The following PRKG2 variants were observed in gnomAD, a reference collection of about 807,000 sequenced individuals.
PRKG2 encodes the protein protein kinase cGMP-dependent 2.
A neutral mutation model predicts 97.2 loss-of-function variants in PRKG2; 33 were observed. That is an observed-to-expected ratio of 0.34 (90% CI 0.26 to 0.45). The LOEUF (loss-of-function observed/expected upper bound fraction) is 0.45, where lower values mean the gene tolerates loss of function less well. PRKG2 is among the 20% of genes least tolerant of loss of function. PRKG2 has a pLI of 1.00. For synonymous variants in PRKG2, 330 were observed against 321.8 expected, an observed-to-expected ratio of 1.03 and a Z score of -0.27; for missense variants, 638 against 900.0, an observed-to-expected ratio of 0.71 and a Z score of 3.73.
At chr4:81,123,897 A>G (rs1254231017) in intron 14 of PRKG2, among the ~76,000 whole-genome samples, 5 of 151,896 alleles carry the variant, frequency 3.3e-5, no homozygotes, top group African/African-American at 1.2e-4. Context: ...TTCTATTTTA[A>G]TTCCCATTAT....
chr4:81,162,176 C>G (rs1233799434), intron 6 of PRKG2, among the ~76,000 whole-genome samples: 2 of 152,074 alleles, frequency 1.3e-5, no homozygotes, highest in Admixed American at 6.6e-5. Context: ...CTAGTTAAGA[C>G]GGTGTATCTA....
chr4:81,098,197 C>T (rs986524621), intron 17 of PRKG2, among the ~76,000 whole-genome samples: 4 of 152,146 alleles, frequency 2.6e-5, no homozygotes, highest in Non-Finnish European at 5.9e-5. Context: ...CAGTCTACAT[C>T]TTTCTCCTGT....
intron 14 of PRKG2, among the ~76,000 whole-genome samples, chr4:81,129,136 T>C (rs1279290431): frequency 1.3e-5 from 2 of 152,230 alleles, no homozygotes; most frequent in Non-Finnish European, 2.9e-5. Context: ...TGAGTGAGTT[T>C]CTTAATCCTG....
intron 17 of PRKG2, among the ~76,000 whole-genome samples, chr4:81,093,360 A>ACACACACACACAC (rs1741781646): frequency 8.6e-6 from 1 of 116,282 alleles, no homozygotes; most frequent in African/African-American, 3.1e-5. Flanking sequence ...CTCCCCCACC[A>ACACACACACACAC]ACACACACAC....
intron 7 of PRKG2, among the ~76,000 whole-genome samples, chr4:81,152,493 C>A (rs1748512432): frequency 6.6e-6 from 1 of 152,138 alleles, no homozygotes. Flanking sequence ...CTGGCCGAAT[C>A]CTGTGCACCT....
chr4:81,174,708 C>G, intron 3 of PRKG2, 85 bp downstream of exon 3: 2 of 1,330,574 alleles, frequency 1.5e-6, no homozygotes, highest in South Asian at 3.1e-5. Context: ...ATAGAGCAAC[C>G]AGTTTTATGT....
intron 14 of PRKG2, among the ~76,000 whole-genome samples, chr4:81,115,018 C>T (rs1367906562): frequency 6.6e-6 from 1 of 152,106 alleles, no homozygotes; most frequent in African/African-American, 2.4e-5. Flanking sequence ...ATTAACATAG[C>T]ATGAATTTTT....
chr4:81,190,553 A>G (rs1752396486), intron 2 of PRKG2, among the ~76,000 whole-genome samples: 1 of 152,222 alleles, frequency 6.6e-6, no homozygotes, highest in South Asian at 2.1e-4. Flanking sequence ...TAAAACACCA[A>G]AAGCAATGGT....
chr4:81,159,056 A>G (rs568367155), intron 6 of PRKG2, among the ~76,000 whole-genome samples: 1 of 152,180 alleles, frequency 6.6e-6, no homozygotes, highest in South Asian at 2.1e-4. Flanking sequence ...ATGGGCAAGG[A>G]CTTCATGTCT....
Position 81,110,748 on chromosome 4 carries a change from C to G in PRKG2, c.1777-137G>C, listed in dbSNP as rs867975330. On this transcript the variant is annotated intron_variant, in intron 14 of 18. Transcript: ENST00000264399. ...CCATGCACACACACACACACACACACAAAGAGAGAGAGAGAGAGACAGACA... is the reference window on the plus strand; with the variant it reads ...CCATGCACACACACACACACACACAGAAAGAGAGAGAGAGAGAGACAGACA... The G allele has an allele frequency of 2.3e-5, 11 of 474,762 alleles. No homozygotes were observed. Among genetic ancestry groups the G allele is most frequent in the African/African-American group, 7.1e-5 (2 of 28,052 alleles). 29.4% of individuals were successfully genotyped at this position (474,762 alleles called of 1,614,324 possible).
intron 14 of PRKG2, among the ~76,000 whole-genome samples, chr4:81,120,218 C>T (rs1454349177): frequency 6.6e-6 from 1 of 152,128 alleles, no homozygotes; most frequent in African/African-American, 2.4e-5. Flanking sequence ...GACCTGTAAC[C>T]AATCCAGCTG....
At chr4:81,203,860 T>C (rs943489089) in intron 2 of PRKG2, among the ~76,000 whole-genome samples, 1 of 152,206 alleles carries the variant, frequency 6.6e-6, no homozygotes, top group Admixed American at 6.5e-5. Context: ...GCCTGGTTCA[T>C]GCTCCTTGAA....
At chr4:81,157,243 G>A (rs1749185828) in intron 6 of PRKG2, among the ~76,000 whole-genome samples, 1 of 151,824 alleles carries the variant, frequency 6.6e-6, no homozygotes, top group East Asian at 1.9e-4. Context: ...AATGATAAAG[G>A]GGATATCACC....
At chr4:81,195,868 G>A (rs1019087770) in intron 2 of PRKG2, among the ~76,000 whole-genome samples, 11 of 152,062 alleles carry the variant, frequency 7.2e-5, no homozygotes, top group Non-Finnish European at 1.5e-4. Flanking sequence ...TTACCTACCC[G>A]GCATAGCCAA....
rs1048356319 is a variant in PRKG2, at chr4:81,088,240, C to T, written c.*1468G>A. The T allele has an allele frequency of 2.0e-5, 3 of 152,090 alleles. No individual in the cohort carries two copies. Among genetic ancestry groups the T allele is most frequent in the Non-Finnish European group, 4.4e-5 (3 of 68,006 alleles). The allele number at this position is 152,090 out of a possible 1,614,324, so 9.4% of individuals were successfully genotyped here. Reference sequence around the variant, plus strand: ...TCTGGATTGGGCTTCACTTATCTAGCTTAACTCATTAAGGAAGCATATAGC... The same window carrying T: ...TCTGGATTGGGCTTCACTTATCTAGTTTAACTCATTAAGGAAGCATATAGC... On this transcript the variant is annotated 3_prime_UTR_variant, in exon 19 of 19. Transcript: ENST00000264399.
At chr4:81,101,456 T>C (rs1294481085) in intron 17 of PRKG2, among the ~76,000 whole-genome samples, 4 of 150,940 alleles carry the variant, frequency 2.7e-5, no homozygotes, top group Non-Finnish European at 5.9e-5. Flanking sequence ...CTCAGCAAAC[T>C]ATTGCAAGGA....
At position 81,190,140 on chromosome 4, in the gene PRKG2, A is replaced by C. The variant is rs528896174; in HGVS notation, c.461+14447T>G. Among the ~76,000 whole-genome samples the C allele has an allele frequency of 2.0e-5, 3 of 152,316 alleles. No homozygotes were observed. The South Asian group carries it at 6.2e-4, about 32-fold the overall frequency. On this transcript the variant is annotated intron_variant, in intron 2 of 18. Transcript: ENST00000264399. ...GCCAAGACAATCCTAAGCAAAAAGA[A>C]CAAAACTGGAGGCATCATGCTACCT... is the stretch of plus-strand genomic sequence containing the variant.
chr4:81,133,331 TG>T (rs1746357661), intron 14 of PRKG2, among the ~76,000 whole-genome samples: 1 of 152,172 alleles, frequency 6.6e-6, no homozygotes, highest in Admixed American at 6.6e-5. Flanking sequence ...AGCAGTTTAA[TG>T]TATGTGATTC....
intron 14 of PRKG2, among the ~76,000 whole-genome samples, chr4:81,120,101 C>T (rs1744935124): frequency 6.6e-6 from 1 of 152,170 alleles, no homozygotes; most frequent in African/African-American, 2.4e-5. Flanking sequence ...GAAAACCTAA[C>T]TTAGGAGTAT....
Sources: gnomAD v4.1 joint callset for allele counts (sites outside exome capture counted in the v4.1 genomes callset) on GRCh38, gnomAD v4.1.1 for gene constraint, MANE v1.5 for transcripts, NCBI Gene and HGNC (gene_info 2026-07-23, HGNC 2026-07-21) for gene names.